SUCLA2: variants seen among roughly 807,000 people sequenced by gnomAD.
The protein encoded by SUCLA2 is succinate-CoA ligase ADP-forming subunit beta.
In SUCLA2, 30 loss-of-function variants were observed where a neutral mutation model predicts 54.8. The observed-to-expected ratio is 0.55, with a 90% CI of 0.41 to 0.74. The LOEUF (loss-of-function observed/expected upper bound fraction) is 0.74. Among genes scored for constraint, SUCLA2 ranks in the 30% least tolerant of loss-of-function variants. SUCLA2 has a pLI of 0.00. For synonymous variants in SUCLA2, 172 were observed against 188.9 expected (o/e 0.91, Z 0.74); for missense variants, 476 against 562.9 (o/e 0.85, Z 1.56).
rs1200345668 is a variant in SUCLA2, at chr13:47,988,635, T to G, written c.440A>C (p.Glu147Ala). The G allele has an allele frequency of 1.2e-6, 2 of 1,613,984 alleles. No individual in the cohort carries two copies. The highest frequency in any genetic ancestry group is 1.7e-5 in the Admixed American group (1 of 60,022). Residue 147 changes from glutamate to alanine, a missense_variant, in exon 4 of 11, where the codon GAA becomes GCA. Around this residue, in one of 2 missense-constraint regions of SUCLA2, gnomAD observed 342 missense variants for 444.2 expected, o/e 0.77. Transcript: ENST00000646932. ...TACTTGATTGCATATTCTGCCCTTT[T>G]CTCCCGTTTGCTTGGTAAACAATTT... ...GKKLFTKQTG[E>A]KGRICNQVLV...
In SUCLA2 at chr13:47,955,941, T is replaced by C. The variant is rs1949817131; in HGVS notation, c.803-1384A>G. The stretch of plus-strand genomic sequence containing the variant: ...TGGAGCCCAGCTAAGTTAAGTACCC[T>C]TAATACCAAAAGTCAATATTCTTTC... On this transcript the variant is annotated intron_variant, in intron 6 of 10. Coordinates refer to ENST00000646932, the MANE Select transcript of SUCLA2 (RefSeq NM_003850.3). 3.3e-5 allele frequency among the ~76,000 whole-genome samples: 5 copies of C among 152,264 alleles called. No homozygotes were observed. In the South Asian group the frequency reaches 1.0e-3, roughly 32 times the overall value.
chr13:47,945,661 C>T (rs1350626862), intron 10 of SUCLA2: 1 of 94,004 alleles, frequency 1.1e-5, no homozygotes, highest in Non-Finnish European at 2.8e-5. Flanking sequence ...CACACACACA[C>T]ACACACACAC....
intron 4 of SUCLA2, among the ~76,000 whole-genome samples, chr13:47,985,717 T>A (rs1048259621): frequency 6.6e-6 from 1 of 152,152 alleles, no homozygotes; most frequent in African/African-American, 2.4e-5. Context: ...TGTATCTTTA[T>A]AACAGAATGA....
At chr13:47,957,126 T>A (rs926335864) in intron 6 of SUCLA2, among the ~76,000 whole-genome samples, 1 of 152,190 alleles carries the variant, frequency 6.6e-6, no homozygotes, top group Non-Finnish European at 1.5e-5. Flanking sequence ...GGACCTCTCA[T>A]TCATCATGAT....
intron 8 of SUCLA2, among the ~76,000 whole-genome samples, chr13:47,953,199 C>G (rs1173449666): frequency 1.3e-5 from 2 of 152,120 alleles, no homozygotes; most frequent in Admixed American, 1.3e-4. Flanking sequence ...GTCCCCTACA[C>G]TGTAACTCTT....
intron 4 of SUCLA2, among the ~76,000 whole-genome samples, chr13:47,984,481 T>C (rs1950085162): frequency 6.6e-6 from 1 of 152,010 alleles, no homozygotes; most frequent in Non-Finnish European, 1.5e-5. Flanking sequence ...GGATTACAGG[T>C]GTCAGCCACC....
intron 6 of SUCLA2, among the ~76,000 whole-genome samples, chr13:47,956,358 T>C (rs1949821442): frequency 6.6e-6 from 1 of 151,398 alleles, no homozygotes; most frequent in Non-Finnish European, 1.5e-5. Flanking sequence ...TTATCCAATC[T>C]GCAGGAAGAA....
At chr13:47,943,754 G>A (rs201113326) in intron 10 of SUCLA2, among the ~76,000 whole-genome samples, 3 of 115,688 alleles carry the variant, frequency 2.6e-5, no homozygotes, top group East Asian at 2.2e-4. Context: ...ATGTGTGTGT[G>A]TGTGTGTGTG....
intron 1 of SUCLA2, among the ~76,000 whole-genome samples, chr13:47,997,758 A>G (rs899810665): frequency 6.6e-6 from 1 of 152,256 alleles, no homozygotes; most frequent in Admixed American, 6.5e-5. Context: ...AACATGGTTC[A>G]TATGAAACAC....
chr13:47,948,361 G>C (rs1417795239), intron 10 of SUCLA2, among the ~76,000 whole-genome samples: 2 of 151,696 alleles, frequency 1.3e-5, no homozygotes, highest in Non-Finnish European at 1.5e-5. Flanking sequence ...ATACATATGC[G>C]TGCATGTGTG....
chr13:47,976,037 G>A (rs568110744), intron 4 of SUCLA2, among the ~76,000 whole-genome samples: 9 of 152,154 alleles, frequency 5.9e-5, no homozygotes, highest in African/African-American at 2.2e-4. Flanking sequence ...GCTTGAGTCT[G>A]GGAGTTCGAG....
At chr13:47,978,008 ATAAG>A (rs1352137814) in intron 4 of SUCLA2, among the ~76,000 whole-genome samples, 1 of 152,218 alleles carries the variant, frequency 6.6e-6, no homozygotes, top group Non-Finnish European at 1.5e-5. Context: ...GCTCAAGAAA[ATAAG>A]AAAGAACACA....
At position 47,988,663 on chromosome 13, in the gene SUCLA2, T is replaced by C. The variant is rs1950124986; in HGVS notation, c.412A>G (p.Lys138Glu). 2.5e-6 allele frequency: 4 copies of C among 1,613,944 alleles called. No homozygotes were observed. The East Asian group carries it at 8.9e-5, about 36-fold the overall frequency. Reference protein sequence around the residue: ...AKAVSSQMIGKKLFTKQTGEK... With the variant: ...AKAVSSQMIGEKLFTKQTGEK... ...CCCGTTTGCTTGGTAAACAATTTTT[T>C]CCCAATCATTTGTGAAGAAACAGCT... The change falls in exon 4 of 11, where the codon AAA (lysine) becomes GAA (glutamate). Residue 138 changes from lysine (K) to glutamate (E), a missense_variant. Physicochemically the swap from Lys to Glu is moderately conservative, Grantham distance 56. This residue lies in a region of SUCLA2 where 342 missense variants were observed against 444.2 expected (regional missense o/e 0.77). Transcript: ENST00000646932.
intron 10 of SUCLA2, among the ~76,000 whole-genome samples, chr13:47,946,651 A>T (rs765341385): frequency 6.6e-6 from 1 of 152,060 alleles, no homozygotes; most frequent in Non-Finnish European, 1.5e-5. Context: ...CAAAACACAC[A>T]GAGAATTATT....
At position 47,945,489 on chromosome 13, in the gene SUCLA2, C is replaced by T. The variant is rs971010299; in HGVS notation, c.1318-2044G>A. Reference sequence around the variant, plus strand: ...TAAGCTATAGAGCCCAAAGAGTGTTCGAGTGTTCAATGAAATGTCTATAAA... The same window carrying T: ...TAAGCTATAGAGCCCAAAGAGTGTTTGAGTGTTCAATGAAATGTCTATAAA... On this transcript the variant is annotated intron_variant, in intron 10 of 10. Transcript: ENST00000646932. 4.1e-5 allele frequency among the ~76,000 whole-genome samples: 6 copies of T among 147,622 alleles called. No homozygotes were observed. The East Asian group carries it at 1.0e-3, about 25-fold the overall frequency.
chr13:47,992,388 C>A (rs1281807666), intron 2 of SUCLA2, among the ~76,000 whole-genome samples: 88 of 93,064 alleles, frequency 9.5e-4, no homozygotes, highest in Middle Eastern at 6.2e-3. Flanking sequence ...ACAACGAAAG[C>A]AAAAAAAAAA....
Position 47,943,248 on chromosome 13 carries a change from G to T in SUCLA2, c.*123C>A, listed in dbSNP as rs1004801409. Reference sequence around the variant, plus strand: ...GCAGTCCAAATCCTTTTAAATGTTTGTGTGCCTAGATGGCAATTACAATCT... The same window carrying T: ...GCAGTCCAAATCCTTTTAAATGTTTTTGTGCCTAGATGGCAATTACAATCT... On this transcript the variant is annotated 3_prime_UTR_variant, in exon 11 of 11. Coordinates refer to ENST00000646932, the MANE Select transcript of SUCLA2 (RefSeq NM_003850.3). 18 of 944,768 alleles carry T rather than the reference G, an allele frequency of 1.9e-5. 1 individual carries two copies. Among genetic ancestry groups the T allele is most frequent in the Middle Eastern group, 3.2e-4 (1 of 3,130 alleles). 58.5% of individuals were successfully genotyped at this position (944,768 alleles called of 1,614,324 possible). A position where few individuals can be genotyped will look rare whatever the true frequency, so the allele number is the denominator to read the frequency against.
chr13:47,955,107 C>T (rs1949809632), intron 6 of SUCLA2, among the ~76,000 whole-genome samples: 1 of 152,182 alleles, frequency 6.6e-6, no homozygotes, highest in Non-Finnish European at 1.5e-5. Flanking sequence ...GAAGATTTGT[C>T]TAATTAAAAG....
At chr13:47,983,651 G>A (rs1240953797) in intron 4 of SUCLA2, among the ~76,000 whole-genome samples, 7 of 151,986 alleles carry the variant, frequency 4.6e-5, no homozygotes, top group Non-Finnish European at 8.8e-5. Flanking sequence ...CGCCACGCCT[G>A]GCTAATTTTT....
Sources: allele counts gnomAD v4.1 joint callset (sites outside exome capture counted in the v4.1 genomes callset), GRCh38; gene constraint gnomAD v4.1.1; regional missense constraint gnomAD v4.1.1; transcripts MANE v1.5; gene names NCBI Gene and HGNC (gene_info 2026-07-23, HGNC 2026-07-21).